Variants in RTL4 observed in about 807,000 individuals in gnomAD.
The protein encoded by RTL4 is retrotransposon Gag like 4.
In RTL4, 4 loss-of-function variants were observed where a neutral mutation model predicts 5.3. That is an observed-to-expected ratio of 0.75 (90% CI 0.37 to 1.72). The LOEUF is 1.72. Among genes scored for constraint, RTL4 ranks in the 40% most tolerant of loss-of-function variants. RTL4 has a pLI of 0.04. For synonymous variants in RTL4, 98 were observed against 87.3 expected (o/e 1.12, Z -0.68); for missense variants, 260 against 227.1 (o/e 1.14, Z -0.93).
the RTL4 span, among the ~76,000 whole-genome samples, chrX:112,399,068 C>T: frequency 8.9e-6 from 1 of 111,768 alleles, no homozygotes; most frequent in Non-Finnish European, 1.9e-5. Flanking sequence ...TCATTCATTT[C>T]ATTTAGGTTG....
At chrX:112,431,766 C>T in the RTL4 span, among the ~76,000 whole-genome samples, 95 of 108,451 alleles carry the variant, frequency 8.8e-4, no homozygotes, top group Middle Eastern at 4.7e-3. Flanking sequence ...TTTTAGGGTA[C>T]ATGTGCACAA....
chrX:112,137,092 G>A, the RTL4 span, among the ~76,000 whole-genome samples: 1 of 111,164 alleles, frequency 9.0e-6, no homozygotes, highest in African/African-American at 3.3e-5. Flanking sequence ...ATGGGGAAAA[G>A]TATTTTCAAC....
the RTL4 span, among the ~76,000 whole-genome samples, chrX:112,209,986 A>C: frequency 3.6e-5 from 4 of 111,822 alleles, no homozygotes; most frequent in Non-Finnish European, 7.5e-5. Flanking sequence ...TCTGCCACTG[A>C]CACCCCCAAC....
At chrX:112,129,494 A>C in the RTL4 span, among the ~76,000 whole-genome samples, 1 of 112,309 alleles carries the variant, frequency 8.9e-6, no homozygotes, top group African/African-American at 3.2e-5. Flanking sequence ...AACCCGATAA[A>C]ATGTATTAGC....
At chrX:112,111,532 G>T in the RTL4 span, among the ~76,000 whole-genome samples, 1 of 112,824 alleles carries the variant, frequency 8.9e-6, no homozygotes, top group South Asian at 3.6e-4. Context: ...TCCCCCAGAG[G>T]TTAGGAACTC....
the RTL4 span, chrX:112,382,042 G>A: frequency 3.3e-6 from 4 of 1,209,064 alleles, no homozygotes; most frequent in Admixed American, 2.2e-5. Flanking sequence ...AGAAACTAAC[G>A]GCTACTCAAA....
At chrX:112,321,595 CAGAA>C in the RTL4 span, among the ~76,000 whole-genome samples, 10 of 105,197 alleles carry the variant, frequency 9.5e-5, no homozygotes, top group Admixed American at 7.0e-4. Flanking sequence ...GACAGACAGA[CAGAA>C]AGAAAGAAAG....
At chrX:112,384,851 T>C in the RTL4 span, among the ~76,000 whole-genome samples, 1 of 111,754 alleles carries the variant, frequency 8.9e-6, no homozygotes, top group African/African-American at 3.2e-5. Context: ...GCACGGAATG[T>C]TTTTCCATTT....
chrX:112,346,436 A>G, the RTL4 span, among the ~76,000 whole-genome samples: 4 of 111,702 alleles, frequency 3.6e-5, no homozygotes, highest in Admixed American at 9.6e-5. Flanking sequence ...GGAAAATCTT[A>G]TCAATGGACT....
the RTL4 span, among the ~76,000 whole-genome samples, chrX:112,323,615 T>A: frequency 9.1e-6 from 1 of 110,414 alleles, no homozygotes; most frequent in South Asian, 3.9e-4. Flanking sequence ...CCTCTCAGCC[T>A]CCAGAGTAGC....
chrX:112,238,668 G>A, the RTL4 span, among the ~76,000 whole-genome samples: 1 of 111,338 alleles, frequency 9.0e-6, no homozygotes, highest in Admixed American at 9.6e-5. Context: ...CGGGACTTGA[G>A]GAACAACACA....
the RTL4 span, among the ~76,000 whole-genome samples, chrX:112,189,890 T>TAAC: frequency 3.6e-5 from 4 of 111,673 alleles, no homozygotes; most frequent in African/African-American, 6.5e-5. Flanking sequence ...CTCACCCAAA[T>TAAC]AACAACAACA....
chrX:112,390,105 TAATATATATATATATATATATA>T, the RTL4 span, among the ~76,000 whole-genome samples: 1 of 40,538 alleles, frequency 2.5e-5, no homozygotes, highest in African/African-American at 9.8e-5. Flanking sequence ...CATTTATATA[TAATATATATATATATATATATA>T]TATATATATA....
At chrX:112,123,175 C>A in the RTL4 span, among the ~76,000 whole-genome samples, 8 of 111,918 alleles carry the variant, frequency 7.1e-5, no homozygotes, top group Non-Finnish European at 7.5e-5. Context: ...CAAATCAGAA[C>A]TAAACTCTTC....
the RTL4 span, among the ~76,000 whole-genome samples, chrX:112,393,174 G>GTTTTTTTTTTTT: frequency 3.8e-5 from 2 of 52,148 alleles, no homozygotes; most frequent in Non-Finnish European, 3.9e-5. Context: ...TTTTTTTTTT[G>GTTTTTTTTTTTT]TTTGTTTGTT....
chrX:112,407,922 C>A, the RTL4 span, among the ~76,000 whole-genome samples: 1 of 112,528 alleles, frequency 8.9e-6, no homozygotes, highest in Non-Finnish European at 1.9e-5. Context: ...AGTGAGTCTG[C>A]AGGAACAACA....
At chrX:112,243,946 A>T in the RTL4 span, among the ~76,000 whole-genome samples, 7 of 111,365 alleles carry the variant, frequency 6.3e-5, no homozygotes, top group South Asian at 2.6e-3. Context: ...CCTTAATTTC[A>T]TTATGTTCCC....
At chrX:112,454,550 C>G (rs1265173120) in exon 1 of RTL4, 1 of 420,028 alleles carries the variant, frequency 2.4e-6, no homozygotes, top group African/African-American at 2.5e-5. Context: ...GCGGACAACA[C>G]TTTTTGGCAT....
the RTL4 span, among the ~76,000 whole-genome samples, chrX:112,204,952 T>A: frequency 2.7e-5 from 3 of 110,068 alleles, no homozygotes; most frequent in East Asian, 2.8e-4. Context: ...ACGCACAACT[T>A]AAAAAAAAAT....
Sources: gnomAD v4.1 joint callset for allele counts (sites outside exome capture counted in the v4.1 genomes callset) on GRCh38, gnomAD v4.1.1 for gene constraint, MANE v1.5 for transcripts, NCBI Gene and HGNC (gene_info 2026-07-23, HGNC 2026-07-21) for gene names.